ARMH4: variants seen among roughly 807,000 people sequenced by gnomAD.
ARMH4 encodes armadillo-like helical domain-containing protein 4.
In ARMH4, 49 loss-of-function variants were observed where a neutral mutation model predicts 61.9. The ratio of observed to expected loss-of-function variants is 0.79; its 90% CI spans 0.63 to 1.00. The LOEUF (loss-of-function observed/expected upper bound fraction) is 1.00. Ranked by LOEUF, ARMH4 falls within the 50% of genes least tolerant of loss-of-function variation. The pLI is 0.00. For missense variants in ARMH4, 934 were observed against 930.0 expected, an observed-to-expected ratio of 1.00 and a Z score of -0.06; for synonymous variants, 368 against 341.5, an observed-to-expected ratio of 1.08 and a Z score of -0.85.
chr14:58,131,758 T>A (rs1241781876), intron 3 of ARMH4, 37 bp from the exon 4 acceptor site: 2 of 1,576,716 alleles, frequency 1.3e-6, no homozygotes, highest in Non-Finnish European at 1.7e-6. Context: ...ACCCACAAGA[T>A]AATCATTATG....
chr14:58,053,223 G>A (rs78396664), intron 5 of ARMH4, among the ~76,000 whole-genome samples: 5 of 152,284 alleles, frequency 3.3e-5, no homozygotes, highest in South Asian at 2.1e-4. Flanking sequence ...TCCTGCAGCC[G>A]GAGTGATGCC....
intron 4 of ARMH4, among the ~76,000 whole-genome samples, chr14:58,097,722 T>A (rs1885805285): frequency 6.6e-6 from 1 of 151,918 alleles, no homozygotes; most frequent in Admixed American, 6.6e-5. Context: ...TTATTTATTT[T>A]TGAGACGGAG....
At position 58,003,666 on chromosome 14, in the gene ARMH4, G is replaced by C. The variant is rs902589412; in HGVS notation, c.*1070C>G. 3.3e-5 allele frequency: 5 copies of C among 152,160 alleles called. No individual in the cohort carries two copies. The highest frequency in any genetic ancestry group is 6.5e-5 in the Admixed American group (1 of 15,276). 9.4% of individuals were successfully genotyped at this position (152,160 alleles called of 1,614,324 possible). A position where few individuals can be genotyped will look rare whatever the true frequency, so the allele number is the denominator to read the frequency against. On this transcript the variant is annotated 3_prime_UTR_variant, in exon 8 of 8. Coordinates refer to ENST00000267485, the MANE Select transcript of ARMH4 (RefSeq NM_001001872.4). ...ACATATTTCAATATCCTCATAGCGG[G>C]GTGCCCTGAGAGAGGCTGGTTTCCC...
intron 5 of ARMH4, 122 bp downstream of exon 5, chr14:58,096,602 C>G: frequency 9.0e-7 from 1 of 1,109,376 alleles, no homozygotes; most frequent in Non-Finnish European, 1.3e-6. Context: ...AATGTAGAAA[C>G]CACCCATAAA....
intron 1 of ARMH4, among the ~76,000 whole-genome samples, chr14:58,144,381 T>C (rs913003756): frequency 1.3e-5 from 2 of 151,794 alleles, no homozygotes; most frequent in African/African-American, 4.8e-5. Flanking sequence ...CTGAGCAACA[T>C]GGCAAATCTC....
intron 4 of ARMH4, among the ~76,000 whole-genome samples, chr14:58,120,353 C>CCACACA (rs59458573): frequency 1.3e-5 from 2 of 149,098 alleles, no homozygotes; most frequent in South Asian, 2.1e-4. Flanking sequence ...CTCCCCCATG[C>CCACACA]CACACACACA....
chr14:58,044,845 A>G (rs1251948593), intron 5 of ARMH4, among the ~76,000 whole-genome samples: 3 of 152,268 alleles, frequency 2.0e-5, no homozygotes, highest in Non-Finnish European at 4.4e-5. Context: ...TATACAGCCA[A>G]CAGACACATG....
chr14:58,112,164 T>C (rs1046304435), intron 4 of ARMH4, among the ~76,000 whole-genome samples: 2 of 152,214 alleles, frequency 1.3e-5, no homozygotes, highest in Admixed American at 6.6e-5. Context: ...ATAACACTGA[T>C]AAAGGGTGTC....
rs45465593 is a variant in ARMH4, at chr14:58,131,639, C to T, written c.1704G>A (p.Val568=). The change falls in exon 4 of 8, where the codon GTG becomes GTA. Residue 568 remains valine, a synonymous_variant. Coordinates refer to ENST00000267485, the MANE Select transcript of ARMH4 (RefSeq NM_001001872.4). Reference sequence around the variant, plus strand: ...GTGCAGGGGAAATGCTGGGTTCCCCCACCATTATTCCAGGAGGTGTCACTG... The same window carrying T: ...GTGCAGGGGAAATGCTGGGTTCCCCTACCATTATTCCAGGAGGTGTCACTG... ...GSPVTPPGIM[V]GEPSISPALP... is the part of the protein sequence containing the mutation. 0.031 allele frequency: 49,558 copies of T among 1,614,088 alleles called. 887 individuals are homozygous for T. The highest frequency in any genetic ancestry group is 0.037 in the Non-Finnish European group (43,526 of 1,179,962).
At chr14:58,130,411 C>A (rs756261719) in intron 4 of ARMH4, among the ~76,000 whole-genome samples, 4 of 125,290 alleles carry the variant, frequency 3.2e-5, no homozygotes, top group African/African-American at 1.5e-4. Flanking sequence ...TCGCTTTAGA[C>A]AAAAAAAAAT....
intron 5 of ARMH4, among the ~76,000 whole-genome samples, chr14:58,093,040 A>G (rs927436191): frequency 6.6e-6 from 1 of 152,020 alleles, no homozygotes; most frequent in Non-Finnish European, 1.5e-5. Context: ...TGCTGTTCTC[A>G]TAGTAATGAG....
intron 5 of ARMH4, among the ~76,000 whole-genome samples, chr14:58,080,455 G>A (rs1885183322): frequency 6.6e-6 from 1 of 152,144 alleles, no homozygotes; most frequent in Admixed American, 6.5e-5. Context: ...AGGGTCTAAA[G>A]AATTCTGTCT....
intron 4 of ARMH4, among the ~76,000 whole-genome samples, chr14:58,124,288 A>G (rs191494257): frequency 5.9e-5 from 9 of 152,314 alleles, no homozygotes; most frequent in African/African-American, 2.2e-4. Context: ...ACTTTTCTTT[A>G]TATGTCATAG....
In ARMH4 at chr14:58,123,658, T is replaced by C. The variant is rs1886802914; in HGVS notation, c.1831+7854A>G. 2.0e-5 allele frequency among the ~76,000 whole-genome samples: 3 copies of C among 151,096 alleles called. No individual in the cohort carries two copies. The South Asian group carries it at 6.3e-4, about 32-fold the overall frequency. On this transcript the variant is annotated intron_variant, in intron 4 of 7. Transcript: ENST00000267485. ...GACCTTAAGGATGCCTTTTTCAGCA[T>C]CCCTGTACATCCTGACTCTCAATTC... is the stretch of plus-strand genomic sequence containing the variant.
chr14:58,133,253 C>G lies in ARMH4; in HGVS notation c.1458G>C (p.Glu486Asp). ...CAGTCTTGCCACTGTCTCTGATAAG[C>G]TCGAGGGTAGCAACCTGCTCTTGTG... ...MVTQEQVATL[E>D]LIRDSGKTEE... Residue 486 changes from glutamate (E) to aspartate (D), a missense_variant, in exon 3 of 8, where the codon GAG (glutamate) becomes GAC (aspartate). By Grantham distance (45) the Glu-to-Asp change is conservative. Coordinates refer to ENST00000267485, the MANE Select transcript of ARMH4 (RefSeq NM_001001872.4). 3.7e-6 allele frequency: 6 copies of G among 1,614,104 alleles called. No homozygotes were observed. Among genetic ancestry groups the G allele is most frequent in the Non-Finnish European group, 5.1e-6 (6 of 1,180,042 alleles).
At chr14:58,088,251 T>C (rs150793340) in intron 5 of ARMH4, among the ~76,000 whole-genome samples, 30 of 152,278 alleles carry the variant, frequency 2.0e-4, no homozygotes, top group African/African-American at 6.3e-4. Flanking sequence ...TATTCTTCCC[T>C]AGAAATTCCC....
rs550797059 is a variant in ARMH4 at position 58,092,802 on chromosome 14, T to C, written c.2089+3922A>G. 2.1e-4 allele frequency among the ~76,000 whole-genome samples: 32 copies of C among 149,902 alleles called. No individual in the cohort carries two copies. In the South Asian group the frequency reaches 4.9e-3, roughly 23 times the overall value. On this transcript the variant is annotated intron_variant, in intron 5 of 7. Transcript: ENST00000267485. ...CCAGGATAACCTACCCATTCCAATTTAAAGATCCTTCCCTTTTTGTTTTTT... is the reference window on the plus strand; with the variant it reads ...CCAGGATAACCTACCCATTCCAATTCAAAGATCCTTCCCTTTTTGTTTTTT...
At chr14:58,098,539 C>A (rs1263600631) in intron 4 of ARMH4, among the ~76,000 whole-genome samples, 2 of 152,320 alleles carry the variant, frequency 1.3e-5, no homozygotes, top group East Asian at 3.9e-4. Context: ...TTAAAGAAAG[C>A]TTTTCTGACA....
intron 5 of ARMH4, among the ~76,000 whole-genome samples, chr14:58,076,951 A>C (rs1260989009): frequency 2.0e-5 from 3 of 152,168 alleles, no homozygotes. Flanking sequence ...GTCTACACCA[A>C]GGCTTCACCC....
Sources: allele counts gnomAD v4.1 joint callset (sites outside exome capture counted in the v4.1 genomes callset), GRCh38; gene constraint gnomAD v4.1.1; transcripts MANE v1.5; gene names NCBI Gene and HGNC (gene_info 2026-07-23, HGNC 2026-07-21).